ADAMTS6: variants seen among roughly 807,000 people sequenced by gnomAD.
The protein encoded by ADAMTS6 is A disintegrin and metalloproteinase with thrombospondin motifs 6.
A neutral mutation model predicts 144.3 loss-of-function variants in ADAMTS6; 23 were observed. That is an observed-to-expected ratio of 0.16 (90% CI 0.11 to 0.23). ADAMTS6 has a LOEUF of 0.23. ADAMTS6 is among the 10% of genes least tolerant of loss of function. The pLI is 1.00. For missense variants in ADAMTS6, 999 were observed against 1,379.6 expected, an observed-to-expected ratio of 0.72 and a Z score of 4.37; for synonymous variants, 444 against 457.5, an observed-to-expected ratio of 0.97 and a Z score of 0.38.
intron 7 of ADAMTS6, among the ~76,000 whole-genome samples, chr5:65,412,530 T>G (rs1215847653): frequency 6.6e-6 from 1 of 152,146 alleles, no homozygotes; most frequent in Non-Finnish European, 1.5e-5. Flanking sequence ...CGTATTACTC[T>G]TACCTTGACA....
intron 19 of ADAMTS6, 44 bp downstream of exon 19, chr5:65,215,280 G>C: frequency 6.3e-7 from 1 of 1,593,602 alleles, no homozygotes; most frequent in Admixed American, 1.7e-5. Context: ...CCTCACAAGG[G>C]GGAATTAAAA....
intron 7 of ADAMTS6, among the ~76,000 whole-genome samples, chr5:65,440,090 G>A (rs990291122): frequency 1.3e-5 from 2 of 152,204 alleles, no homozygotes; most frequent in African/African-American, 4.8e-5. Context: ...TTACAGGCGT[G>A]AGCCACCATA....
chr5:65,227,488 CCATATCTAATTA>C (rs1240022989), intron 15 of ADAMTS6, among the ~76,000 whole-genome samples: 18 of 152,070 alleles, frequency 1.2e-4, no homozygotes, highest in African/African-American at 4.3e-4. Context: ...ATCACTTTGA[CCATATCTAATTA>C]TGCTGCTAAA....
At chr5:65,470,469 T>G (rs1461672850) in intron 3 of ADAMTS6, among the ~76,000 whole-genome samples, 1 of 152,150 alleles carries the variant, frequency 6.6e-6, no homozygotes, top group African/African-American at 2.4e-5. Flanking sequence ...CAAAAATGAC[T>G]GAGTTTTGTT....
At chr5:65,173,100 G>C (rs1194792081) in intron 22 of ADAMTS6, 92 bp from the exon 23 acceptor site, 2 of 1,294,956 alleles carry the variant, frequency 1.5e-6, no homozygotes, top group Non-Finnish European at 2.2e-6. Flanking sequence ...GTGTGTTTTA[G>C]TATAGAATAT....
chr5:65,251,566 A>G (rs1004308866), intron 14 of ADAMTS6: 4 of 152,224 alleles, frequency 2.6e-5, no homozygotes, highest in African/African-American at 9.6e-5. Flanking sequence ...CTGTTATTCC[A>G]GCCTGGAGAC....
chr5:65,284,464 C>T (rs1240553960), intron 11 of ADAMTS6, among the ~76,000 whole-genome samples: 1 of 151,984 alleles, frequency 6.6e-6, no homozygotes, highest in African/African-American at 2.4e-5. Flanking sequence ...AGGTTTGTTT[C>T]AGTGAGAAAA....
At chr5:65,167,525 T>A (rs1753262525) in intron 24 of ADAMTS6, among the ~76,000 whole-genome samples, 1 of 149,556 alleles carries the variant, frequency 6.7e-6, no homozygotes, top group South Asian at 2.1e-4. Context: ...CCTCCCTAAC[T>A]CATTTTATGA....
At chr5:65,466,781 G>A (rs1229863257) in intron 3 of ADAMTS6, among the ~76,000 whole-genome samples, 5 of 152,250 alleles carry the variant, frequency 3.3e-5, no homozygotes, top group East Asian at 1.9e-4. Flanking sequence ...GGTGGCTCAC[G>A]CCTGTAATCC....
chr5:65,280,614 T>G (rs1028461724), intron 11 of ADAMTS6, among the ~76,000 whole-genome samples: 1 of 152,230 alleles, frequency 6.6e-6, no homozygotes, highest in Admixed American at 6.5e-5. Flanking sequence ...TGCATTATAC[T>G]GGCATCATTC....
intron 11 of ADAMTS6, among the ~76,000 whole-genome samples, chr5:65,288,454 G>C (rs1452297522): frequency 5.3e-5 from 8 of 151,868 alleles, no homozygotes; most frequent in Non-Finnish European, 1.2e-4. Context: ...TGAGTAGCTG[G>C]GACTACAGGC....
intron 15 of ADAMTS6, among the ~76,000 whole-genome samples, chr5:65,233,256 T>C (rs1352199238): frequency 6.6e-6 from 1 of 152,032 alleles, no homozygotes; most frequent in Non-Finnish European, 1.5e-5. Flanking sequence ...AGGCTGACAT[T>C]TTTTCCTCTA....
chr5:65,427,126 A>C lies in ADAMTS6; in HGVS notation c.1073+24349T>G, dbSNP rs189957010. 2.1e-3 allele frequency among the ~76,000 whole-genome samples: 314 copies of C among 152,272 alleles called. 3 individuals carry two copies. The highest frequency in any genetic ancestry group is 7.4e-3 in the African/African-American group (306 of 41,580). ...ATAGAAAAAATACCAACACTACCTA[A>C]AAGAGACTTGAACTATAAAAATGCC... is the stretch of plus-strand genomic sequence containing the variant. On this transcript the variant is annotated intron_variant, in intron 7 of 24. Coordinates refer to ENST00000381055, the MANE Select transcript of ADAMTS6 (RefSeq NM_197941.4).
chr5:65,379,371 C>G (rs1009983182), intron 7 of ADAMTS6, among the ~76,000 whole-genome samples: 4 of 152,182 alleles, frequency 2.6e-5, no homozygotes, highest in Middle Eastern at 3.4e-3. Flanking sequence ...TTTGTAAGAC[C>G]AAATAACTTC....
At chr5:65,469,412 C>CATAA in intron 3 of ADAMTS6, among the ~76,000 whole-genome samples, 1 of 152,272 alleles carries the variant, frequency 6.6e-6, no homozygotes, top group East Asian at 1.9e-4. Context: ...TAATGCCAAA[C>CATAA]ATAAATAACC....
At chr5:65,231,158 A>G (rs1410299465) in intron 15 of ADAMTS6, among the ~76,000 whole-genome samples, 1 of 151,910 alleles carries the variant, frequency 6.6e-6, no homozygotes, top group Non-Finnish European at 1.5e-5. Flanking sequence ...AGATTTAATA[A>G]CACACATAGT....
chr5:65,479,519 C>CGGTT (rs1761061303), intron 1 of ADAMTS6, among the ~76,000 whole-genome samples: 2 of 152,154 alleles, frequency 1.3e-5, no homozygotes, highest in South Asian at 4.1e-4. Flanking sequence ...GCTTGATAAT[C>CGGTT]AACCATGTTT....
At chr5:65,300,724 C>T (rs1386668212) in intron 9 of ADAMTS6, among the ~76,000 whole-genome samples, 1 of 151,986 alleles carries the variant, frequency 6.6e-6, no homozygotes, top group African/African-American at 2.4e-5. Flanking sequence ...CTCAGCCTCC[C>T]GGGTTCACGC....
chr5:65,278,466 T>C (rs1227202325), intron 11 of ADAMTS6, among the ~76,000 whole-genome samples: 1 of 152,214 alleles, frequency 6.6e-6, no homozygotes, highest in Non-Finnish European at 1.5e-5. Context: ...GTGTTCCCTT[T>C]CCCTCACATC....
Sources: gnomAD v4.1 joint callset for allele counts (sites outside exome capture counted in the v4.1 genomes callset) on GRCh38, gnomAD v4.1.1 for gene constraint, MANE v1.5 for transcripts, NCBI Gene and HGNC (gene_info 2026-07-23, HGNC 2026-07-21) for gene names.